TRIM27: variants seen among roughly 807,000 people sequenced by gnomAD.
TRIM27 encodes the protein zinc finger protein RFP.
In TRIM27, 12 loss-of-function variants were observed where a neutral mutation model predicts 57.6. That is an observed-to-expected ratio of 0.21 (90% CI 0.13 to 0.34). The LOEUF is 0.34. Among genes scored for constraint, TRIM27 ranks in the 10% least tolerant of loss-of-function variants. TRIM27 has a pLI of 1.00. For missense variants in TRIM27, 403 were observed against 656.8 expected, an observed-to-expected ratio of 0.61 and a Z score of 4.22; for synonymous variants, 266 against 259.0, an observed-to-expected ratio of 1.03 and a Z score of -0.26.
chr6:28,923,150 C>T, intron 1 of TRIM27, 63 bp downstream of exon 1: 1 of 1,461,210 alleles, frequency 6.8e-7, no homozygotes, highest in Non-Finnish European at 9.1e-7. Context: ...AAAGGAAGCC[C>T]CTTTGGCTCT....
chr6:28,907,205 C>CT, intron 7 of TRIM27, 31 bp downstream of exon 7: 1 of 1,598,434 alleles, frequency 6.3e-7, no homozygotes, highest in South Asian at 1.1e-5. Context: ...TTACTCCTTA[C>CT]CCTAATATGG....
In TRIM27 at chr6:28,923,207, C is replaced by T. The variant is rs1055931669; in HGVS notation, c.420+6G>A. On this transcript the variant is annotated splice_donor_region_variant and intron_variant, in intron 1 of 7. Coordinates refer to ENST00000377199, the MANE Select transcript of TRIM27 (RefSeq NM_006510.5). ...CGCTCCCGCCCTCCCGGATCCGCGC[C>T]CTCACCTTGAAGCCCTCCACCGCCT... 1 of 1,556,276 alleles carries T rather than the reference C, an allele frequency of 6.4e-7. No individual in the cohort carries two copies. The highest frequency in any genetic ancestry group is 8.7e-7 in the Non-Finnish European group (1 of 1,147,070).
At chr6:28,914,525 A>G (rs1456853447) in intron 3 of TRIM27, among the ~76,000 whole-genome samples, 1 of 135,568 alleles carries the variant, frequency 7.4e-6, no homozygotes, top group East Asian at 2.3e-4. Context: ...GTTGACTGTC[A>G]ATTTGTCTAG....
In TRIM27 at chr6:28,907,012, G is replaced by T; in HGVS notation, c.946+224C>A. On this transcript the variant is annotated intron_variant, in intron 7 of 7. Coordinates refer to ENST00000377199, the MANE Select transcript of TRIM27 (RefSeq NM_006510.5). ...CCTATAATCCTTCTTTAACACCTGAGATTGATTTTACCCTATGGCTTCAGC... is the reference window on the plus strand; with the variant it reads ...CCTATAATCCTTCTTTAACACCTGATATTGATTTTACCCTATGGCTTCAGC... 2 of 533,326 alleles carry T rather than the reference G, an allele frequency of 3.8e-6. 1 individual carries two copies. Among genetic ancestry groups the T allele is most frequent in the East Asian group, 6.2e-5 (2 of 32,468 alleles). The allele number at this position is 533,326 out of a possible 1,614,324, so 33.0% of individuals were successfully genotyped here.
At position 28,923,695 on chromosome 6, in the gene TRIM27, C is replaced by T. The variant is rs996768806; in HGVS notation, c.-63G>A. 1.4e-6 allele frequency: 2 copies of T among 1,428,278 alleles called. No individual in the cohort carries two copies. Among genetic ancestry groups the T allele is most frequent in the Admixed American group, 2.8e-5 (1 of 36,068 alleles). 88.5% of individuals were successfully genotyped at this position (1,428,278 alleles called of 1,614,324 possible). ...GCGCCGAGCTCTGCACTGAGCCCAA[C>T]TCTCCGGCGCTCTCTCCGGTTCGCT... On this transcript the variant is annotated 5_prime_UTR_variant, in exon 1 of 8. Transcript: ENST00000377199.
chr6:28,916,630 A>T (rs912485142), intron 3 of TRIM27, among the ~76,000 whole-genome samples: 1 of 152,150 alleles, frequency 6.6e-6, no homozygotes, highest in East Asian at 1.9e-4. Context: ...TATCTAGAAT[A>T]GACTAATCCA....
chr6:28,913,883 T>C (rs209121), intron 3 of TRIM27, among the ~76,000 whole-genome samples: 61,132 of 150,868 alleles, frequency 0.41, 13,897 homozygotes, highest in African/African-American at 0.6. Context: ...ATACTATCTT[T>C]TGACTGGTTA....
At chr6:28,915,293 T>TAAAAAAAAAAAA (rs9256952) in intron 3 of TRIM27, 1 of 111,982 alleles carries the variant, frequency 8.9e-6, no homozygotes, top group Non-Finnish European at 1.8e-5. Flanking sequence ...AAAATATTCT[T>TAAAAAAAAAAAA]AAAAAAAAAA....
chr6:28,922,779 C>T (rs1774145853), intron 1 of TRIM27, among the ~76,000 whole-genome samples: 1 of 152,102 alleles, frequency 6.6e-6, no homozygotes, highest in South Asian at 2.1e-4. Flanking sequence ...TAGACCAGGA[C>T]GGATTGCAGG....
chr6:28,917,822 CTTCCT>C (rs1372986809), intron 3 of TRIM27, among the ~76,000 whole-genome samples: 1 of 150,298 alleles, frequency 6.7e-6, no homozygotes, highest in Non-Finnish European at 1.5e-5. Flanking sequence ...TGGTTTCTTT[CTTCCT>C]TTCTTTTTTT....
chr6:28,914,289 C>A (rs1773438059), intron 3 of TRIM27, among the ~76,000 whole-genome samples: 1 of 151,598 alleles, frequency 6.6e-6, no homozygotes, highest in South Asian at 2.1e-4. Context: ...CATGTGCCAC[C>A]ACACCTGGCT....
rs948739028 is a variant in TRIM27 at position 28,903,448 on chromosome 6, G to C, written c.*622C>G. 1 of 233,382 alleles carries C rather than the reference G, an allele frequency of 4.3e-6. No homozygotes were observed. Among genetic ancestry groups the C allele is most frequent in the African/African-American group, 2.2e-5 (1 of 45,334 alleles). The allele number at this position is 233,382 out of a possible 1,614,324, so 14.5% of individuals were successfully genotyped here. ...GAAAAGATACAAAGGCAGAGACATTGATTAGAACATTATCTCATAACAGAG... is the reference window on the plus strand; with the variant it reads ...GAAAAGATACAAAGGCAGAGACATTCATTAGAACATTATCTCATAACAGAG... On this transcript the variant is annotated 3_prime_UTR_variant, in exon 8 of 8. Coordinates refer to ENST00000377199, the MANE Select transcript of TRIM27 (RefSeq NM_006510.5).
At chr6:28,912,171 G>A (rs1338528760) in intron 3 of TRIM27, among the ~76,000 whole-genome samples, 3 of 149,916 alleles carry the variant, frequency 2.0e-5, no homozygotes, top group Non-Finnish European at 3.0e-5. Flanking sequence ...GTGCAATGGC[G>A]CGATCTTGGC....
At chr6:28,917,900 C>A (rs1773733517) in intron 3 of TRIM27, among the ~76,000 whole-genome samples, 2 of 151,414 alleles carry the variant, frequency 1.3e-5, no homozygotes, top group South Asian at 4.2e-4. Context: ...AATCTCGGCT[C>A]ACTGCAACCA....
intron 3 of TRIM27, among the ~76,000 whole-genome samples, chr6:28,919,477 C>T (rs1773863587): frequency 6.6e-6 from 1 of 152,230 alleles, no homozygotes; most frequent in Admixed American, 6.5e-5. Flanking sequence ...AAACGACAGA[C>T]AGGCATTAGC....
chr6:28,907,891 T>C (rs1224307358), intron 6 of TRIM27: 5 of 262,060 alleles, frequency 1.9e-5, no homozygotes, highest in Non-Finnish European at 3.1e-5. Flanking sequence ...TCTATGTTGC[T>C]AGATGCCCCA....
chr6:28,923,111 G>C, intron 1 of TRIM27, 102 bp downstream of exon 1: 2 of 1,315,114 alleles, frequency 1.5e-6, no homozygotes, highest in South Asian at 3.0e-5. Context: ...TGAACCACAC[G>C]TCCGGCTCAG....
At position 28,922,525 on chromosome 6, in the gene TRIM27, C is replaced by T. The variant is rs140996320; in HGVS notation, c.421-538G>A. ...ATTTAAACACGGACATAATTGTGTA[C>T]GCATTCCTGAAGCCCTCAACGTACA... On this transcript the variant is annotated intron_variant, in intron 1 of 7. Transcript: ENST00000377199. 8.7e-3 allele frequency among the ~76,000 whole-genome samples: 1,326 copies of T among 152,292 alleles called. 14 individuals carry two copies. Among genetic ancestry groups the T allele is most frequent in the African/African-American group, 0.029 (1,196 of 41,556 alleles).
rs1018389753 is a variant in TRIM27 at position 28,903,220 on chromosome 6, G to A, written c.*850C>T. ...TTCCCCCAAAGGAAATGGAGAAAAG[G>A]AGCCAAGAAGTCAATGAATCCCTGG... On this transcript the variant is annotated 3_prime_UTR_variant, in exon 8 of 8. Transcript: ENST00000377199. 8.2e-5 allele frequency: 19 copies of A among 232,770 alleles called. No individual in the cohort carries two copies. Among genetic ancestry groups the A allele is most frequent in the Non-Finnish European group, 1.3e-4 (15 of 117,896 alleles). 14.4% of individuals were successfully genotyped at this position (232,770 alleles called of 1,614,324 possible). A position where few individuals can be genotyped will look rare whatever the true frequency, so the allele number is the denominator to read the frequency against.
Sources: gnomAD v4.1 joint callset for allele counts (sites outside exome capture counted in the v4.1 genomes callset) on GRCh38, gnomAD v4.1.1 for gene constraint, MANE v1.5 for transcripts, NCBI Gene and HGNC (gene_info 2026-07-23, HGNC 2026-07-21) for gene names.